STAT4: variants seen among roughly 807,000 people sequenced by gnomAD.
STAT4 encodes the protein signal transducer and activator of transcription 4.
In STAT4, 42 loss-of-function variants were observed where a neutral mutation model predicts 110.5. That is an observed-to-expected ratio of 0.38 (90% CI 0.30 to 0.49). The LOEUF (loss-of-function observed/expected upper bound fraction) is 0.49, where lower values mean the gene tolerates loss of function less well. Among genes scored for constraint, STAT4 ranks in the 20% least tolerant of loss-of-function variants. The pLI is 0.95. For missense variants in STAT4, 632 were observed against 887.9 expected (o/e 0.71, Z 3.66); for synonymous variants, 284 against 302.2 (o/e 0.94, Z 0.63).
At chr2:191,133,515 C>T (rs192576858) in intron 3 of STAT4, among the ~76,000 whole-genome samples, 1 of 151,710 alleles carries the variant, frequency 6.6e-6, no homozygotes, top group East Asian at 1.9e-4. Flanking sequence ...CACCTTCCAT[C>T]TGCATATATA....
rs555296145 is a variant in STAT4, at chr2:191,042,431, T to C, written c.1252-1283A>G. ...GCATGTTGAAGGCGCAGATCAACCG[T>C]TTGTAATGGGAAGATAGTGCTTAGA... On this transcript the variant is annotated intron_variant, in intron 14 of 23. Coordinates refer to ENST00000392320, the MANE Select transcript of STAT4 (RefSeq NM_003151.4). The surrounding 1 kb of genome is among the most constrained non-coding windows in gnomAD (Gnocchi z 4.2). Among the ~76,000 whole-genome samples, 113 of 152,268 alleles carry C rather than the reference T, an allele frequency of 7.4e-4. No individual in the cohort carries two copies. The highest frequency in any genetic ancestry group is 4.1e-3 in the South Asian group (20 of 4,826).
chr2:191,071,612 G>T (rs1697154733), intron 5 of STAT4, among the ~76,000 whole-genome samples: 1 of 152,182 alleles, frequency 6.6e-6, no homozygotes, highest in African/African-American at 2.4e-5. Context: ...ATCAGTAATT[G>T]CAAAAGGTGA....
At chr2:191,119,758 A>G (rs963487108) in intron 3 of STAT4, among the ~76,000 whole-genome samples, 1 of 152,216 alleles carries the variant, frequency 6.6e-6, no homozygotes, top group African/African-American at 2.4e-5. Context: ...GACTTTTACT[A>G]TCATATATCA....
chr2:191,137,344 A>G (rs888343692), intron 3 of STAT4, among the ~76,000 whole-genome samples: 1 of 152,216 alleles, frequency 6.6e-6, no homozygotes, highest in Non-Finnish European at 1.5e-5. Flanking sequence ...AAAAAAGAAA[A>G]AAAATTGAAG....
intron 3 of STAT4, among the ~76,000 whole-genome samples, chr2:191,084,001 C>T (rs1302143849): frequency 6.6e-6 from 1 of 152,094 alleles, no homozygotes; most frequent in Non-Finnish European, 1.5e-5. Flanking sequence ...TGGTGGCTCA[C>T]GCCTGTAATT....
Position 191,060,316 on chromosome 2 carries a change from C to T in STAT4, c.1034+1413G>A, listed in dbSNP as rs1042923345. Among the ~76,000 whole-genome samples, 3 of 152,200 alleles carry T rather than the reference C, an allele frequency of 2.0e-5. No individual in the cohort carries two copies. The highest frequency in any genetic ancestry group is 7.2e-5 in the African/African-American group (3 of 41,446). ...TCTCAAGGAAAAGTAGAATGTCCAC[C>T]ACTTCTCCATCTTATTTCACTCTCC... On this transcript the variant is annotated intron_variant, in intron 10 of 23. Coordinates refer to ENST00000392320, the MANE Select transcript of STAT4 (RefSeq NM_003151.4). This position sits in a 1 kb window ranked among gnomAD's most constrained non-coding sequence, Gnocchi z 4.5.
intron 3 of STAT4, among the ~76,000 whole-genome samples, chr2:191,134,653 T>C (rs1246744214): frequency 6.6e-6 from 1 of 152,182 alleles, no homozygotes; most frequent in Non-Finnish European, 1.5e-5. Flanking sequence ...AAAGCCAAAG[T>C]ATACTACCCA....
chr2:191,092,072 T>C, intron 3 of STAT4, among the ~76,000 whole-genome samples: 1 of 152,214 alleles, frequency 6.6e-6, no homozygotes. Flanking sequence ...CTTGTATAAT[T>C]GTCAATCCAG....
At chr2:191,134,060 G>T (rs189273492) in intron 3 of STAT4, among the ~76,000 whole-genome samples, 1 of 152,206 alleles carries the variant, frequency 6.6e-6, no homozygotes, top group Non-Finnish European at 1.5e-5. Flanking sequence ...AAACTGTAAA[G>T]TGGGGCTCAT....
chr2:191,044,449 G>A (rs1696290350), intron 14 of STAT4, among the ~76,000 whole-genome samples: 3 of 152,252 alleles, frequency 2.0e-5, no homozygotes, highest in Middle Eastern at 6.8e-3. Flanking sequence ...GTCAACTATG[G>A]ATGGGAAACA....
In STAT4 at chr2:191,058,783, TC is replaced by T; in HGVS notation, c.1035-15del. The T allele has an allele frequency of 6.6e-7, 1 of 1,513,600 alleles. No homozygotes were observed. Among genetic ancestry groups the T allele is most frequent in the Non-Finnish European group, 9.1e-7 (1 of 1,103,426 alleles). 93.8% of individuals were successfully genotyped at this position (1,513,600 alleles called of 1,614,324 possible). On this transcript the variant is annotated splice_polypyrimidine_tract_variant and intron_variant, in intron 10 of 23. Transcript: ENST00000392320. This position sits in a 1 kb window ranked among gnomAD's most constrained non-coding sequence, Gnocchi z 4.3. ...TTTATTAGTAGCCTGGAAAGAGATA[TC>T]AATAAAAAAAATCAAAGATAAAAAT...
At position 191,090,436 on chromosome 2, in the gene STAT4, C is replaced by A. The variant is rs977352194; in HGVS notation, c.274-14111G>T. ...GGTACAGTATAGGCTGTTGATGGAT[C>A]TAAATTAACAATGCTCTGTTATTAT... On this transcript the variant is annotated intron_variant, in intron 3 of 23. Coordinates refer to ENST00000392320, the MANE Select transcript of STAT4 (RefSeq NM_003151.4). The surrounding 1 kb of genome is among the most constrained non-coding windows in gnomAD (Gnocchi z 4.2). Among the ~76,000 whole-genome samples, 1 of 151,044 alleles carries A rather than the reference C, an allele frequency of 6.6e-6. No individual in the cohort carries two copies.
Position 191,142,691 on chromosome 2 carries a change from C to T in STAT4, c.273+3922G>A, listed in dbSNP as rs144785954. On this transcript the variant is annotated intron_variant, in intron 3 of 23. Coordinates refer to ENST00000392320, the MANE Select transcript of STAT4 (RefSeq NM_003151.4). The surrounding 1 kb of genome is among the most constrained non-coding windows in gnomAD (Gnocchi z 4.1). ...TGACTTAATCATTACACATTCTATG[C>T]ATGGAATAAAATATTTCATGTACCC... 1.6e-3 allele frequency among the ~76,000 whole-genome samples: 247 copies of T among 152,120 alleles called. 2 individuals carry two copies. Among genetic ancestry groups the T allele is most frequent in the African/African-American group, 5.7e-3 (235 of 41,484 alleles).
chr2:191,076,408 C>G, intron 3 of STAT4, 83 bp from the exon 4 acceptor site: 1 of 938,520 alleles, frequency 1.1e-6, no homozygotes, highest in Non-Finnish European at 1.6e-6. Context: ...TCTTGAAAAA[C>G]AACAACAATC....
chr2:191,102,502 T>A (rs576479210), intron 3 of STAT4, among the ~76,000 whole-genome samples: 1 of 152,296 alleles, frequency 6.6e-6, no homozygotes, highest in East Asian at 1.9e-4. Flanking sequence ...GTAGATAACC[T>A]CACATTCACT....
Position 191,053,970 on chromosome 2 carries a change from A to T in STAT4, c.1251+520T>A, listed in dbSNP as rs948155729. Among the ~76,000 whole-genome samples the T allele has an allele frequency of 6.6e-6, 1 of 152,232 alleles. No homozygotes were observed. Among genetic ancestry groups the T allele is most frequent in the East Asian group, 1.9e-4 (1 of 5,180 alleles). ...TGGTGGGACTCTGTCTCTACGAAAAATACAAAAACTAGCCAGGTATGGTGG... is the reference window on the plus strand; with the variant it reads ...TGGTGGGACTCTGTCTCTACGAAAATTACAAAAACTAGCCAGGTATGGTGG... On this transcript the variant is annotated intron_variant, in intron 14 of 23. Transcript: ENST00000392320. The surrounding 1 kb of genome is among the most constrained non-coding windows in gnomAD (Gnocchi z 4.5).
chr2:191,078,669 T>G (rs1697379268), intron 3 of STAT4, among the ~76,000 whole-genome samples: 1 of 152,106 alleles, frequency 6.6e-6, no homozygotes, highest in Non-Finnish European at 1.5e-5. Flanking sequence ...AAGTGTGTGT[T>G]AGTGGGAGGA....
chr2:191,072,933 T>C (rs968223869), intron 5 of STAT4, among the ~76,000 whole-genome samples, 165 bp downstream of exon 5: 2 of 152,234 alleles, frequency 1.3e-5, no homozygotes, highest in Admixed American at 1.3e-4. Context: ...ATGTTTCCCA[T>C]AAAGAAATAT....
chr2:191,057,937 A>G, intron 13 of STAT4, 81 bp downstream of exon 13: 1 of 1,201,770 alleles, frequency 8.3e-7, no homozygotes, highest in Non-Finnish European at 1.2e-6. Flanking sequence ...AGCACAAAAC[A>G]TACTGAATTA....
Sources: allele counts gnomAD v4.1 joint callset (sites outside exome capture counted in the v4.1 genomes callset), GRCh38; gene constraint gnomAD v4.1.1; non-coding constraint Gnocchi (gnomAD v3.1); transcripts MANE v1.5; gene names NCBI Gene and HGNC (gene_info 2026-07-23, HGNC 2026-07-21).